PITPNM2: variants seen among roughly 807,000 people sequenced by gnomAD.
PITPNM2 encodes membrane-associated phosphatidylinositol transfer protein 2.
In PITPNM2, 35 loss-of-function variants were observed where a neutral mutation model predicts 132.2. That is an observed-to-expected ratio of 0.26 (90% CI 0.20 to 0.35). PITPNM2 has a LOEUF of 0.35. Ranked by LOEUF, PITPNM2 falls within the 10% of genes least tolerant of loss-of-function variation. PITPNM2 has a pLI of 1.00. For synonymous variants in PITPNM2, 738 were observed against 799.2 expected (o/e 0.92, Z 1.29); for missense variants, 1,332 against 1,912.0 (o/e 0.70, Z 5.66).
intron 1 of PITPNM2, among the ~76,000 whole-genome samples, chr12:123,122,942 T>G (rs1418090588): frequency 1.3e-5 from 2 of 152,228 alleles, no homozygotes; most frequent in Non-Finnish European, 2.9e-5. Flanking sequence ...GAGTGTAAAT[T>G]GGTACTACCT....
In PITPNM2 at chr12:123,000,170, T is replaced by C; in HGVS notation, c.1224+608A>G. 1.8e-6 allele frequency: 1 copy of C among 560,212 alleles called. No individual in the cohort carries two copies. Among genetic ancestry groups the C allele is most frequent in the Admixed American group, 3.1e-5 (1 of 32,210 alleles). The allele number at this position is 560,212 out of a possible 1,614,324, so 34.7% of individuals were successfully genotyped here. ...GTAGCTTGAGGCCAGAGCAGTGCGG[T>C]GACCGCAGGTGATGGTGGGACAGCC... On this transcript the variant is annotated intron_variant, in intron 10 of 25. Transcript: ENST00000320201. The surrounding 1 kb of genome is among the most constrained non-coding windows in gnomAD (Gnocchi z 5.4).
intron 2 of PITPNM2, among the ~76,000 whole-genome samples, chr12:123,094,335 G>A (rs1038320167): frequency 6.6e-6 from 1 of 152,238 alleles, no homozygotes. Context: ...GGCTCTCAGA[G>A]AGCTCAGGCA....
At chr12:123,072,606 CAG>C (rs1265687666) in intron 2 of PITPNM2, among the ~76,000 whole-genome samples, 1 of 152,220 alleles carries the variant, frequency 6.6e-6, no homozygotes, top group Non-Finnish European at 1.5e-5. Flanking sequence ...AGTCAGGTCT[CAG>C]AGAGATCCAC....
intron 1 of PITPNM2, among the ~76,000 whole-genome samples, chr12:123,133,002 A>G (rs1446911784): frequency 6.6e-6 from 1 of 152,220 alleles, no homozygotes; most frequent in Non-Finnish European, 1.5e-5. Context: ...GAACAGCACT[A>G]CTATGAACAT....
At chr12:123,090,555 T>A (rs2042230454) in intron 2 of PITPNM2, 1 of 151,478 alleles carries the variant, frequency 6.6e-6, no homozygotes, top group South Asian at 2.1e-4. Flanking sequence ...GTATTTTTAG[T>A]AGAGATAGGT....
chr12:123,119,897 T>A (rs989712028), intron 1 of PITPNM2, among the ~76,000 whole-genome samples: 1 of 151,852 alleles, frequency 6.6e-6, no homozygotes, highest in Admixed American at 6.6e-5. Flanking sequence ...CGTTCAAAAG[T>A]AGCAATTTTC....
chr12:123,011,756 G>A (rs1002273571), intron 5 of PITPNM2, among the ~76,000 whole-genome samples: 1 of 152,166 alleles, frequency 6.6e-6, no homozygotes, highest in African/African-American at 2.4e-5. Context: ...AGGACTGCCG[G>A]CAAGCAGACA....
chr12:123,026,164 G>A (rs568777382), intron 3 of PITPNM2, among the ~76,000 whole-genome samples: 1 of 152,348 alleles, frequency 6.6e-6, no homozygotes, highest in East Asian at 1.9e-4. Flanking sequence ...TCTCTTTGGT[G>A]TCAATTTCCA....
chr12:123,081,151 C>T (rs1422032257), intron 2 of PITPNM2: 1 of 151,578 alleles, frequency 6.6e-6, no homozygotes, highest in African/African-American at 2.5e-5. Context: ...CCTACTTACC[C>T]CACAGTGTCT....
rs954134873 is a variant in PITPNM2, at chr12:123,008,846, C to A, written c.643+1004G>T. Among the ~76,000 whole-genome samples, 1 of 152,184 alleles carries A rather than the reference C, an allele frequency of 6.6e-6. No individual in the cohort carries two copies. The highest frequency in any genetic ancestry group is 2.4e-5 in the African/African-American group (1 of 41,434). On this transcript the variant is annotated intron_variant, in intron 6 of 25. Coordinates refer to ENST00000320201, the MANE Select transcript of PITPNM2 (RefSeq NM_020845.3). The surrounding 1 kb of genome is among the most constrained non-coding windows in gnomAD (Gnocchi z 4.1). ...CAAGTGGAAGACCGCGTCCTTGGACCCCAATCCTTTCGGGTACACATCCAC... is the reference window on the plus strand; with the variant it reads ...CAAGTGGAAGACCGCGTCCTTGGACACCAATCCTTTCGGGTACACATCCAC...
intron 3 of PITPNM2, among the ~76,000 whole-genome samples, chr12:123,019,150 CTG>C (rs1437694352): frequency 2.6e-5 from 4 of 152,114 alleles, no homozygotes; most frequent in African/African-American, 7.2e-5. Flanking sequence ...TTGCACAACT[CTG>C]TGAATATACC....
At chr12:123,141,637 G>C (rs1204094205) in intron 1 of PITPNM2, among the ~76,000 whole-genome samples, 1 of 152,096 alleles carries the variant, frequency 6.6e-6, no homozygotes, top group Non-Finnish European at 1.5e-5. Context: ...ACACAGAGTC[G>C]ACGAGGCTGG....
chr12:123,138,980 A>C (rs1338598122), intron 1 of PITPNM2, among the ~76,000 whole-genome samples: 1 of 151,876 alleles, frequency 6.6e-6, no homozygotes, highest in Non-Finnish European at 1.5e-5. Flanking sequence ...TCTACAAAAA[A>C]TTAGGCAATT....
At chr12:123,087,590 T>C (rs1337802037) in intron 2 of PITPNM2, 1 of 152,102 alleles carries the variant, frequency 6.6e-6, no homozygotes, top group African/African-American at 2.4e-5. Flanking sequence ...CTAATGACTC[T>C]CTTAGGCTGC....
intron 2 of PITPNM2, among the ~76,000 whole-genome samples, chr12:123,104,605 A>C (rs1593018023): frequency 6.8e-6 from 1 of 147,042 alleles, no homozygotes; most frequent in Admixed American, 6.8e-5. Context: ...TGCGACCCCC[A>C]CTCCTGCCCG....
At chr12:123,043,231 C>T (rs1351498500) in intron 2 of PITPNM2, among the ~76,000 whole-genome samples, 1 of 152,056 alleles carries the variant, frequency 6.6e-6, no homozygotes, top group Non-Finnish European at 1.5e-5. Context: ...GAACCAGGAC[C>T]CTGACTCCCA....
intron 2 of PITPNM2, among the ~76,000 whole-genome samples, chr12:123,037,484 G>A (rs1427511787): frequency 6.6e-6 from 1 of 152,176 alleles, no homozygotes; most frequent in Non-Finnish European, 1.5e-5. Context: ...GCCTCTGTGG[G>A]GCCTCAGGTG....
intron 8 of PITPNM2, among the ~76,000 whole-genome samples, chr12:123,003,557 C>A (rs2038788847): frequency 6.6e-6 from 1 of 152,348 alleles, no homozygotes; most frequent in South Asian, 2.1e-4. Flanking sequence ...TCTGCCTGGA[C>A]ACTGACTCCC....
intron 2 of PITPNM2, among the ~76,000 whole-genome samples, chr12:123,079,372 T>C (rs2136990106): frequency 8.0e-6 from 1 of 125,446 alleles, no homozygotes; most frequent in East Asian, 2.2e-4. Flanking sequence ...TTTTTTTTTT[T>C]TTTTTTTTGA....
Sources: gnomAD v4.1 joint callset for allele counts (sites outside exome capture counted in the v4.1 genomes callset) on GRCh38, gnomAD v4.1.1 for gene constraint, Gnocchi (gnomAD v3.1) non-coding constraint, MANE v1.5 for transcripts, NCBI Gene and HGNC (gene_info 2026-07-23, HGNC 2026-07-21) for gene names.